Variants in KIAA1671 observed in about 807,000 individuals in gnomAD.
KIAA1671 encodes the protein KIAA1671, also known as uncharacterized protein KIAA1671.
A neutral mutation model predicts 131.2 loss-of-function variants in KIAA1671; 52 were observed. The ratio of observed to expected loss-of-function variants is 0.40; its 90% confidence interval spans 0.32 to 0.50. The LOEUF (loss-of-function observed/expected upper bound fraction) is 0.50. KIAA1671 is among the 20% of genes least tolerant of loss of function. The pLI, the probability that KIAA1671 is intolerant of heterozygous loss-of-function variation, is 0.73. For missense variants in KIAA1671, 2,360 were observed against 2,364.2 expected, an observed-to-expected ratio of 1.00 and a Z score of 0.04; for synonymous variants, 1,003 against 961.6, an observed-to-expected ratio of 1.04 and a Z score of -0.80.
At chr22:25,004,603 A>G (rs1569203795) in intron 1 of KIAA1671, among the ~76,000 whole-genome samples, 1 of 152,206 alleles carries the variant, frequency 6.6e-6, no homozygotes, top group Non-Finnish European at 1.5e-5. Flanking sequence ...ACTCACTTTT[A>G]ATTGTATTTT....
intron 6 of KIAA1671, among the ~76,000 whole-genome samples, chr22:25,160,427 C>T (rs868585798): frequency 1.2e-4 from 18 of 152,190 alleles, no homozygotes; most frequent in South Asian, 2.1e-4. Context: ...CGCCCGTCTC[C>T]GTGCTTCTCA....
chr22:25,108,180 A>G (rs1362838077), intron 6 of KIAA1671, among the ~76,000 whole-genome samples: 3 of 152,224 alleles, frequency 2.0e-5, no homozygotes, highest in Non-Finnish European at 4.4e-5. Context: ...TTGTTTCACC[A>G]CAACCTTGAC....
At chr22:25,137,044 G>A (rs1932709153) in intron 6 of KIAA1671, among the ~76,000 whole-genome samples, 1 of 152,156 alleles carries the variant, frequency 6.6e-6, no homozygotes. Flanking sequence ...TAACCAGGTG[G>A]TGAGCCTATA....
At chr22:24,986,820 G>A (rs2123839111) in intron 1 of KIAA1671, among the ~76,000 whole-genome samples, 1 of 151,962 alleles carries the variant, frequency 6.6e-6, no homozygotes, top group African/African-American at 2.4e-5. Context: ...CATCTGTCAA[G>A]GCCCTGACCC....
In KIAA1671 at chr22:25,038,868, C is replaced by G. The variant is rs1345978715; in HGVS notation, c.1738C>G (p.Gln580Glu). 2 of 1,551,756 alleles carry G rather than the reference C, an allele frequency of 1.3e-6. No individual in the cohort carries two copies. The highest frequency in any genetic ancestry group is 1.2e-5 in the South Asian group (1 of 84,030). ...GACGGAGCAGAAGGTTAGCTCTAAC[C>G]AAGACCCCGACAGCTGTCGCGGTGG... ...RQTEQKVSSN[Q>E]DPDSCRGGSS... The change falls in exon 5 of 13, where the codon CAA becomes GAA. Residue 580 changes from glutamine (Q) to glutamate (E), a missense_variant. Around this residue, in one of 3 missense-constraint regions of KIAA1671, gnomAD observed 1,185 missense variants for 1,126.2 expected, o/e 1.05. Transcript: ENST00000358431.
intron 1 of KIAA1671, among the ~76,000 whole-genome samples, chr22:24,993,522 C>T (rs961064265): frequency 1.1e-4 from 16 of 152,220 alleles, no homozygotes; most frequent in Middle Eastern, 3.2e-3. Context: ...AGGAATCCTT[C>T]CTGATCACCC....
chr22:25,191,003 G>C (rs1934656057), intron 12 of KIAA1671, among the ~76,000 whole-genome samples: 1 of 152,160 alleles, frequency 6.6e-6, no homozygotes, highest in South Asian at 2.1e-4. Context: ...TGCCTGGAGT[G>C]GGTGAAAGGT....
chr22:25,089,899 G>A (rs545828991), intron 6 of KIAA1671, among the ~76,000 whole-genome samples: 2 of 152,206 alleles, frequency 1.3e-5, no homozygotes, highest in Non-Finnish European at 2.9e-5. Flanking sequence ...AGATTGAACA[G>A]GGGTTTTCTA....
intron 6 of KIAA1671, among the ~76,000 whole-genome samples, chr22:25,164,977 GC>G (rs1933592293): frequency 8.7e-6 from 1 of 114,736 alleles, no homozygotes; most frequent in African/African-American, 3.8e-5. Flanking sequence ...AGAGTTGCAG[GC>G]GTGTGTGTGT....
At chr22:25,130,714 T>G (rs1286003845) in intron 6 of KIAA1671, among the ~76,000 whole-genome samples, 2 of 152,202 alleles carry the variant, frequency 1.3e-5, no homozygotes, top group Non-Finnish European at 2.9e-5. Flanking sequence ...GAGCTGTGCC[T>G]TTCCCGGCAC....
At chr22:24,999,900 G>GT (rs995351499) in intron 1 of KIAA1671, among the ~76,000 whole-genome samples, 5 of 150,894 alleles carry the variant, frequency 3.3e-5, no homozygotes, top group African/African-American at 1.2e-4. Context: ...TTGTTTGTTT[G>GT]TTTTTTGAGA....
chr22:25,026,495 C>T (rs1449109953), intron 2 of KIAA1671, among the ~76,000 whole-genome samples: 1 of 152,134 alleles, frequency 6.6e-6, no homozygotes, highest in African/African-American at 2.4e-5. Context: ...CTTTGGGAGG[C>T]TGAGGTGGGC....
intron 1 of KIAA1671, among the ~76,000 whole-genome samples, chr22:24,959,011 A>T (rs995680892): frequency 2.0e-5 from 3 of 148,772 alleles, no homozygotes; most frequent in African/African-American, 7.5e-5. Context: ...AAAGAAAAGA[A>T]AAAAAATTAG....
At chr22:25,094,599 C>G (rs111701586) in intron 6 of KIAA1671, among the ~76,000 whole-genome samples, 8 of 152,290 alleles carry the variant, frequency 5.3e-5, no homozygotes, top group African/African-American at 1.9e-4. Flanking sequence ...GGCCTTCCTC[C>G]AGCAGCCTCT....
intron 6 of KIAA1671, among the ~76,000 whole-genome samples, chr22:25,128,334 A>G (rs1932276545): frequency 6.6e-6 from 1 of 152,238 alleles, no homozygotes; most frequent in Non-Finnish European, 1.5e-5. Flanking sequence ...GGATGAATAC[A>G]TGAATGCATG....
chr22:25,117,585 CCACA>C (rs4049524), intron 6 of KIAA1671, among the ~76,000 whole-genome samples: 12,095 of 123,702 alleles, frequency 0.098, 575 homozygotes, highest in Middle Eastern at 0.12. Context: ...TCTCCCCCAA[CCACA>C]CACACACACA....
chr22:25,197,391 G>A lies in KIAA1671; in HGVS notation c.*4990G>A, dbSNP rs959325009. On this transcript the variant is annotated 3_prime_UTR_variant, in exon 13 of 13. Coordinates refer to ENST00000358431, the MANE Select transcript of KIAA1671 (RefSeq NM_001145206.2). ...AGATGACCTTTGCATGTACAAAGAT[G>A]TTGCATTCAGACTATGAAAATAGCA... 3 of 152,244 alleles carry A rather than the reference G, an allele frequency of 2.0e-5. No individual in the cohort carries two copies. The highest frequency in any genetic ancestry group is 2.0e-4 in the Admixed American group (3 of 15,284). The allele number at this position is 152,244 out of a possible 1,614,324, so 9.4% of individuals were successfully genotyped here.
chr22:25,039,301 C>T lies in KIAA1671; in HGVS notation c.2171C>T (p.Pro724Leu). ...TTCCTCAAACACTTGGAAAATCCTC[C>T]CACATCGCAGAGAATTGAGCCCAGA... ...NTFLKHLENP[P>L]TSQRIEPRYD... The change falls in exon 5 of 13, where the codon CCC becomes CTC. Residue 724 changes from proline (P) to leucine (L), a missense_variant. Pro to Leu is a moderately conservative substitution (Grantham distance 98, BLOSUM62 -3). Transcript: ENST00000358431. 6.4e-7 allele frequency: 1 copy of T among 1,552,188 alleles called. No homozygotes were observed. The highest frequency in any genetic ancestry group is 8.7e-7 in the Non-Finnish European group (1 of 1,147,092).
chr22:24,964,115 G>A (rs1026202822), intron 1 of KIAA1671, among the ~76,000 whole-genome samples: 2 of 152,068 alleles, frequency 1.3e-5, no homozygotes, highest in African/African-American at 2.4e-5. Flanking sequence ...GATCACTTGA[G>A]GTCAGGATTT....
Sources: gnomAD v4.1 joint callset for allele counts (sites outside exome capture counted in the v4.1 genomes callset) on GRCh38, gnomAD v4.1.1 for gene constraint, gnomAD v4.1.1 regional missense constraint, MANE v1.5 for transcripts, NCBI Gene and HGNC (gene_info 2026-07-23, HGNC 2026-07-21) for gene names.